Variants in THSD4 observed in about 807,000 individuals in gnomAD.
THSD4 encodes thrombospondin type-1 domain-containing protein 4.
Under a neutral mutation model 119.0 loss-of-function variants are expected in THSD4, and 69 were observed. The observed-to-expected ratio is 0.58, with a 90% CI of 0.48 to 0.71. The LOEUF (loss-of-function observed/expected upper bound fraction) is 0.71. THSD4 is among the 30% of genes least tolerant of loss of function. The pLI is 0.00. For missense variants in THSD4, 1,393 were observed against 1,391.1 expected, an observed-to-expected ratio of 1.00 and a Z score of -0.02; for synonymous variants, 524 against 540.4, an observed-to-expected ratio of 0.97 and a Z score of 0.42.
At chr15:71,363,874 GT>G in intron 6 of THSD4, among the ~76,000 whole-genome samples, 1 of 152,292 alleles carries the variant, frequency 6.6e-6, no homozygotes, top group Non-Finnish European at 1.5e-5. Context: ...AGGCGCAGAC[GT>G]ATAAAATGAG....
chr15:71,167,089 T>G (rs747261765), intron 3 of THSD4: 1 of 152,344 alleles, frequency 6.6e-6, no homozygotes, highest in Non-Finnish European at 1.5e-5. Context: ...TTCTTTTTGA[T>G]GTTTTATCAG....
At chr15:71,208,563 G>A (rs2043864187) in intron 3 of THSD4, among the ~76,000 whole-genome samples, 1 of 151,244 alleles carries the variant, frequency 6.6e-6, no homozygotes, top group African/African-American at 2.4e-5. Context: ...CCAGGCTGGA[G>A]TGCAGTGGTG....
intron 7 of THSD4, among the ~76,000 whole-genome samples, chr15:71,614,434 A>T (rs2050287527): frequency 6.6e-6 from 1 of 152,004 alleles, no homozygotes; most frequent in African/African-American, 2.4e-5. Flanking sequence ...CCTACTCCTA[A>T]AGTCCTCCCT....
chr15:71,595,633 C>T (rs2049894489), intron 7 of THSD4, among the ~76,000 whole-genome samples: 1 of 152,054 alleles, frequency 6.6e-6, no homozygotes, highest in Non-Finnish European at 1.5e-5. Flanking sequence ...GCTCAGAGGG[C>T]CTAAAATTGC....
In THSD4 at chr15:71,146,770, A is replaced by G. The variant is rs1165587517; in HGVS notation, c.29+5214A>G. Reference sequence around the variant, plus strand: ...GTGGTAGGCATAGAGGCTAGGAGGAAATAAAATAGATTTTTGGAGGACTGC... The same window carrying G: ...GTGGTAGGCATAGAGGCTAGGAGGAGATAAAATAGATTTTTGGAGGACTGC... On this transcript the variant is annotated intron_variant, in intron 2 of 17. Transcript: ENST00000261862. Among the ~76,000 whole-genome samples the G allele has an allele frequency of 2.6e-5, 4 of 152,178 alleles. No homozygotes were observed. The South Asian group carries it at 6.2e-4, about 24-fold the overall frequency.
At chr15:71,576,616 G>A (rs2049452470) in intron 7 of THSD4, among the ~76,000 whole-genome samples, 1 of 152,190 alleles carries the variant, frequency 6.6e-6, no homozygotes, top group South Asian at 2.1e-4. Flanking sequence ...AATTATGTCA[G>A]TTTGATTGAC....
intron 8 of THSD4, among the ~76,000 whole-genome samples, chr15:71,673,487 C>T (rs2051575627): frequency 6.6e-6 from 1 of 152,112 alleles, no homozygotes; most frequent in Non-Finnish European, 1.5e-5. Context: ...GTCTCTATCT[C>T]CTTCAGTTCT....
chr15:71,124,250 A>G (rs2040434097), intron 1 of THSD4, among the ~76,000 whole-genome samples: 1 of 152,246 alleles, frequency 6.6e-6, no homozygotes, highest in Non-Finnish European at 1.5e-5. Flanking sequence ...TAGACAATAG[A>G]TAAATGAACA....
chr15:71,527,017 A>T (rs1328624360), intron 7 of THSD4, among the ~76,000 whole-genome samples: 1 of 152,186 alleles, frequency 6.6e-6, no homozygotes, highest in Non-Finnish European at 1.5e-5. Context: ...CAGTCGTATT[A>T]AGACGTGGGT....
intron 14 of THSD4, 137 bp from the exon 15 acceptor site, chr15:71,757,765 A>G (rs2053566928): frequency 4.6e-6 from 5 of 1,094,132 alleles, no homozygotes; most frequent in Admixed American, 2.4e-5. Flanking sequence ...TAGGCTATGC[A>G]CGAGAAGCTG....
chr15:71,653,931 G>T (rs909952459), intron 7 of THSD4, among the ~76,000 whole-genome samples: 1 of 82,668 alleles, frequency 1.2e-5, no homozygotes. Context: ...GGCTGCACAG[G>T]ACTCGACATT....
intron 1 of THSD4, among the ~76,000 whole-genome samples, chr15:71,139,953 C>T (rs1167396065): frequency 6.6e-6 from 1 of 152,272 alleles, no homozygotes; most frequent in Non-Finnish European, 1.5e-5. Flanking sequence ...TTGCAACCAA[C>T]CCGCCCATCC....
intron 7 of THSD4, among the ~76,000 whole-genome samples, chr15:71,554,997 C>T (rs2140868763): frequency 6.6e-6 from 1 of 152,256 alleles, no homozygotes; most frequent in Admixed American, 6.5e-5. Flanking sequence ...CGCTTCTCTC[C>T]TTGAAAGACA....
intron 7 of THSD4, among the ~76,000 whole-genome samples, chr15:71,487,436 C>G (rs1468370155): frequency 2.0e-5 from 3 of 152,154 alleles, no homozygotes; most frequent in Admixed American, 6.5e-5. Context: ...CACTTCCTTG[C>G]TAAATCCAAT....
At position 71,741,406 on chromosome 15, in the gene THSD4, T is replaced by C. The variant is rs193145582; in HGVS notation, c.1906+3399T>C. 1.2e-3 allele frequency among the ~76,000 whole-genome samples: 186 copies of C among 152,128 alleles called. 1 individual carries two copies. Among genetic ancestry groups the C allele is most frequent in the African/African-American group, 4.1e-3 (170 of 41,504 alleles). Reference sequence around the variant, plus strand: ...TACTCGGGAGGCTGAGGCAGGACAATTGCTTGAACCCAGGAGGCGGAGGTT... The same window carrying C: ...TACTCGGGAGGCTGAGGCAGGACAACTGCTTGAACCCAGGAGGCGGAGGTT... On this transcript the variant is annotated intron_variant, in intron 11 of 17. Coordinates refer to ENST00000261862, the MANE Select transcript of THSD4 (RefSeq NM_024817.3).
At chr15:71,294,578 G>C (rs548858877) in intron 6 of THSD4, among the ~76,000 whole-genome samples, 1 of 152,218 alleles carries the variant, frequency 6.6e-6, no homozygotes, top group South Asian at 2.1e-4. Flanking sequence ...ATGTCTCTGT[G>C]AGTGTCAAAG....
At chr15:71,231,557 A>G (rs1214089228) in intron 4 of THSD4, among the ~76,000 whole-genome samples, 3 of 152,020 alleles carry the variant, frequency 2.0e-5, no homozygotes, top group African/African-American at 7.3e-5. Context: ...GTTGGAACAC[A>G]TTTGTCATTC....
intron 7 of THSD4, among the ~76,000 whole-genome samples, chr15:71,485,559 G>A (rs1161461248): frequency 6.6e-6 from 1 of 152,142 alleles, no homozygotes; most frequent in East Asian, 1.9e-4. Flanking sequence ...AGCATTTGAT[G>A]TTACCAGCCT....
intron 8 of THSD4, among the ~76,000 whole-genome samples, chr15:71,716,274 C>T (rs2052605316): frequency 6.6e-6 from 1 of 152,086 alleles, no homozygotes; most frequent in Admixed American, 6.6e-5. Flanking sequence ...TAGGGCCCAC[C>T]CTAATGCAGC....
Sources: allele counts gnomAD v4.1 joint callset (sites outside exome capture counted in the v4.1 genomes callset), GRCh38; gene constraint gnomAD v4.1.1; transcripts MANE v1.5; gene names NCBI Gene and HGNC (gene_info 2026-07-23, HGNC 2026-07-21).